CDC73: variants seen among roughly 807,000 people sequenced by gnomAD.
The protein encoded by CDC73 is cell division cycle 73.
A neutral mutation model predicts 83.7 loss-of-function variants in CDC73; 21 were observed. The ratio of observed to expected loss-of-function variants is 0.25; its 90% CI spans 0.18 to 0.36. The LOEUF is 0.36. CDC73 is among the 10% of genes least tolerant of loss of function. The pLI is 1.00. For missense variants in CDC73, 342 were observed against 653.3 expected, an observed-to-expected ratio of 0.52 and a Z score of 5.19; for synonymous variants, 224 against 212.9, an observed-to-expected ratio of 1.05 and a Z score of -0.45.
intron 7 of CDC73, among the ~76,000 whole-genome samples, chr1:193,144,723 C>T (rs907434008): frequency 6.6e-6 from 1 of 151,998 alleles, no homozygotes; most frequent in Non-Finnish European, 1.5e-5. Flanking sequence ...TGGTTATTCT[C>T]ATCAAGAGAC....
chr1:193,122,634 G>C, intron 1 of CDC73: 1 of 348,172 alleles, frequency 2.9e-6, no homozygotes, highest in Non-Finnish European at 5.5e-6. Flanking sequence ...GTGTGGGACT[G>C]GTGCGCAAGG....
At chr1:193,212,355 A>T in intron 12 of CDC73, 35 bp from the exon 13 acceptor site, 1 of 1,224,682 alleles carries the variant, frequency 8.2e-7, no homozygotes, top group Non-Finnish European at 1.2e-6. Flanking sequence ...AATTTCTAAT[A>T]ATATATTTTC....
At chr1:193,148,790 G>A (rs909229433) in intron 8 of CDC73, among the ~76,000 whole-genome samples, 2 of 151,276 alleles carry the variant, frequency 1.3e-5, no homozygotes, top group African/African-American at 4.9e-5. Context: ...GATTACAGGC[G>A]CATGCCACCC....
At chr1:193,212,859 T>C (rs1400718033) in intron 13 of CDC73, among the ~76,000 whole-genome samples, 1 of 152,134 alleles carries the variant, frequency 6.6e-6, no homozygotes, top group Admixed American at 6.5e-5. Context: ...GGGGGCATAG[T>C]TATTTAACCT....
intron 10 of CDC73, among the ~76,000 whole-genome samples, chr1:193,192,441 T>A (rs1676935132): frequency 1.3e-5 from 2 of 152,104 alleles, no homozygotes; most frequent in African/African-American, 4.8e-5. Context: ...AGACACTGTC[T>A]CATAAAAGAC....
At chr1:193,134,397 A>G (rs1354385701) in intron 3 of CDC73, among the ~76,000 whole-genome samples, 1 of 152,132 alleles carries the variant, frequency 6.6e-6, no homozygotes, top group East Asian at 1.9e-4. Flanking sequence ...AGGGCCGGGC[A>G]CAGTGGCTCA....
intron 11 of CDC73, among the ~76,000 whole-genome samples, chr1:193,206,058 G>C (rs188626633): frequency 6.6e-6 from 1 of 152,254 alleles, no homozygotes; most frequent in East Asian, 1.9e-4. Flanking sequence ...TTTCATAAAA[G>C]AAGTTAGTAT....
intron 5 of CDC73, among the ~76,000 whole-genome samples, chr1:193,135,802 T>C (rs1297398924): frequency 6.6e-6 from 1 of 151,984 alleles, no homozygotes; most frequent in African/African-American, 2.4e-5. Context: ...TTTTATTTTC[T>C]TTGCTTTTAT....
chr1:193,163,671 A>G (rs1389514348), intron 10 of CDC73, among the ~76,000 whole-genome samples: 1 of 152,162 alleles, frequency 6.6e-6, no homozygotes, highest in African/African-American at 2.4e-5. Flanking sequence ...GGCACCTGTG[A>G]TAGACATTTG....
intron 13 of CDC73, among the ~76,000 whole-genome samples, chr1:193,231,946 A>G (rs1305145601): frequency 6.6e-6 from 1 of 152,150 alleles, no homozygotes; most frequent in Non-Finnish European, 1.5e-5. Flanking sequence ...ATAGTTAATA[A>G]AATATGTTAT....
At chr1:193,244,099 CAA>C (rs1677909836) in intron 15 of CDC73, among the ~76,000 whole-genome samples, 5 of 152,014 alleles carry the variant, frequency 3.3e-5, no homozygotes, top group Non-Finnish European at 7.4e-5. Flanking sequence ...CATGCACATG[CAA>C]AACAAAAGCT....
chr1:193,177,105 C>T lies in CDC73; in HGVS notation c.972+24661C>T, dbSNP rs150843246. Among the ~76,000 whole-genome samples the T allele has an allele frequency of 8.6e-5, 13 of 151,994 alleles. No individual in the cohort carries two copies. The East Asian group carries it at 2.5e-3, about 29-fold the overall frequency. On this transcript the variant is annotated intron_variant, in intron 10 of 16. Coordinates refer to ENST00000367435, the MANE Select transcript of CDC73 (RefSeq NM_024529.5). ...TGAAAATGGTATGAAGCCTGGAGGC[C>T]TGGCAAAGGATGAAGAACAGAGAAT... is the stretch of plus-strand genomic sequence containing the variant.
chr1:193,176,532 A>G (rs1676605568), intron 10 of CDC73, among the ~76,000 whole-genome samples: 1 of 152,224 alleles, frequency 6.6e-6, no homozygotes, highest in Admixed American at 6.5e-5. Flanking sequence ...TTATTACTGT[A>G]AAATTTGGTG....
intron 13 of CDC73, among the ~76,000 whole-genome samples, chr1:193,213,298 A>G (rs1189120517): frequency 6.6e-6 from 1 of 152,100 alleles, no homozygotes; most frequent in Non-Finnish European, 1.5e-5. Context: ...AAAATGAGCC[A>G]TGTTTAAGTG....
At chr1:193,166,469 T>G (rs1211580477) in intron 10 of CDC73, among the ~76,000 whole-genome samples, 1 of 148,426 alleles carries the variant, frequency 6.7e-6, no homozygotes, top group African/African-American at 2.5e-5. Flanking sequence ...TTGCCTTACA[T>G]TTTTTAGTCT....
chr1:193,164,932 A>C (rs556213966), intron 10 of CDC73, among the ~76,000 whole-genome samples: 1 of 152,320 alleles, frequency 6.6e-6, no homozygotes, highest in East Asian at 1.9e-4. Context: ...TTATCACAGG[A>C]GAGGTGAGGA....
intron 10 of CDC73, chr1:193,181,505 T>G: frequency 1.2e-6 from 2 of 1,610,410 alleles, no homozygotes; most frequent in Non-Finnish European, 1.7e-6. Context: ...AACAGAGACC[T>G]TTTGGCATTC....
chr1:193,206,303 CATACCTCAGAT>C (rs1220443403), intron 11 of CDC73, among the ~76,000 whole-genome samples: 6 of 152,138 alleles, frequency 3.9e-5, no homozygotes, highest in Non-Finnish European at 7.4e-5. Flanking sequence ...AGTGTCTCAT[CATACCTCAGAT>C]ATTCTAATGC....
rs1678015613 is a variant in CDC73 at position 193,249,753 on chromosome 1, G to C, written c.1441G>C (p.Asp481His). The C allele has an allele frequency of 6.2e-7, 1 of 1,609,336 alleles. No individual in the cohort carries two copies. The highest frequency in any genetic ancestry group is 1.3e-5 in the African/African-American group (1 of 74,860). ...AKIKAFHLKY[D>H]EVRLDPNVQK... ...AGTTAAAGCCTTCCATCTGAAGTAT[G>C]ATGAAGTTCGTCTGGATCCAAATGT... is the stretch of plus-strand genomic sequence containing the variant. The change falls in exon 16 of 17, where the codon GAT becomes CAT. Residue 481 changes from aspartate to histidine, a missense_variant. Transcript: ENST00000367435.
Sources: gnomAD v4.1 joint callset for allele counts (sites outside exome capture counted in the v4.1 genomes callset) on GRCh38, gnomAD v4.1.1 for gene constraint, MANE v1.5 for transcripts, NCBI Gene and HGNC (gene_info 2026-07-23, HGNC 2026-07-21) for gene names.